Variants in ATP2C2 observed in about 807,000 individuals in gnomAD.
ATP2C2 encodes calcium-transporting ATPase type 2C member 2.
A neutral mutation model predicts 110.8 loss-of-function variants in ATP2C2; 171 were observed. The ratio of observed to expected loss-of-function variants is 1.54; its 90% CI spans 1.36 to 1.75. ATP2C2 has a LOEUF of 1.75. ATP2C2 is among the 40% of genes most tolerant of loss of function. The pLI is 0.00. For synonymous variants in ATP2C2, 804 were observed against 508.4 expected (o/e 1.58, Z -7.82); for missense variants, 1,963 against 1,235.0 (o/e 1.59, Z -8.84).
Position 84,405,153 on chromosome 16 carries a change from A to T in ATP2C2, c.236A>T (p.Glu79Val), listed in dbSNP as rs201569578. ...FCVDLHTGLSEFSVTQRRLAH... is the reference protein window; with the variant it reads ...FCVDLHTGLSVFSVTQRRLAH... ...GTGGACTTACACACTGGGCTGTCGG[A>T]GTTCTCGGTGACGCAGCGCCGGCTG... Residue 79 changes from glutamate to valine, a missense_variant, in exon 3 of 27, where the codon GAG (glutamate) becomes GTG (valine). Coordinates refer to ENST00000262429, the MANE Select transcript of ATP2C2 (RefSeq NM_014861.4). 1,671 of 1,613,816 alleles carry T rather than the reference A, an allele frequency of 1.0e-3. 4 individuals carry two copies. The highest frequency in any genetic ancestry group is 1.3e-3 in the Non-Finnish European group (1,575 of 1,179,962).
intron 23 of ATP2C2, chr16:84,459,668 A>G: frequency 3.8e-6 from 5 of 1,313,312 alleles, no homozygotes; most frequent in Non-Finnish European, 5.2e-6. Flanking sequence ...CTCATGCTTC[A>G]TTCCAGTCAC....
At chr16:84,458,555 A>T (rs1221209605) in intron 21 of ATP2C2, among the ~76,000 whole-genome samples, 1 of 152,246 alleles carries the variant, frequency 6.6e-6, no homozygotes, top group Non-Finnish European at 1.5e-5. Context: ...GTTCTTTTCA[A>T]AATATTTTAG....
At chr16:84,381,901 C>T (rs1309329458) in intron 1 of ATP2C2, among the ~76,000 whole-genome samples, 1 of 152,200 alleles carries the variant, frequency 6.6e-6, no homozygotes, top group Non-Finnish European at 1.5e-5. Flanking sequence ...GGTCACACAG[C>T]TCTTCATGGA....
intron 1 of ATP2C2, among the ~76,000 whole-genome samples, chr16:84,373,307 C>A (rs1597723561): frequency 6.6e-6 from 1 of 152,280 alleles, no homozygotes; most frequent in East Asian, 1.9e-4. Context: ...CGAGACCAGC[C>A]TGGCCAACAT....
chr16:84,405,301 C>A, intron 3 of ATP2C2, 57 bp downstream of exon 3: 1 of 1,430,380 alleles, frequency 7.0e-7, no homozygotes, highest in Non-Finnish European at 9.7e-7. Context: ...GAGGGTGGGG[C>A]AGCCATTCCA....
Position 84,383,313 on chromosome 16 carries a change from C to G in ATP2C2, c.99+14599C>G, listed in dbSNP as rs187744504. Among the ~76,000 whole-genome samples the G allele has an allele frequency of 2.9e-3, 439 of 152,298 alleles. 2 individuals are homozygous for G. The highest frequency in any genetic ancestry group is 4.7e-3 in the Non-Finnish European group (319 of 68,032). On this transcript the variant is annotated intron_variant, in intron 1 of 26. Coordinates refer to ENST00000262429, the MANE Select transcript of ATP2C2 (RefSeq NM_014861.4). ...CTCACTCCACACTCACCTGCCGTGACCTTGGGCAAAGCTCTCAAATCCAGG... is the reference window on the plus strand; with the variant it reads ...CTCACTCCACACTCACCTGCCGTGAGCTTGGGCAAAGCTCTCAAATCCAGG...
rs369498768 is a variant in ATP2C2 at position 84,415,617 on chromosome 16, T to C, written c.624+26T>C. The C allele has an allele frequency of 1.8e-4, 280 of 1,574,568 alleles. 2 individuals are homozygous for C. The Middle Eastern group carries it at 2.2e-3, about 12-fold the overall frequency. ...GTGAGTGGTTCCAAACCCTTGTCAA[T>C]GGGGTATTTGATGGAGCTGGTCAAG... On this transcript the variant is annotated intron_variant, in intron 7 of 26. Transcript: ENST00000262429.
At chr16:84,455,051 C>T (rs1597874503) in intron 21 of ATP2C2, 67 bp downstream of exon 21, 5 of 1,525,696 alleles carry the variant, frequency 3.3e-6, no homozygotes, top group East Asian at 2.5e-5. Flanking sequence ...CTCCCTGGAA[C>T]CTGCTACTGT....
Position 84,461,799 on chromosome 16 carries a change from C to T in ATP2C2, c.2567C>T (p.Thr856Ile), listed in dbSNP as rs943106482. The T allele has an allele frequency of 2.5e-6, 4 of 1,614,120 alleles. No individual in the cohort carries two copies. Among genetic ancestry groups the T allele is most frequent in the Middle Eastern group, 1.6e-4 (1 of 6,062 alleles). Residue 856 changes from threonine to isoleucine, a missense_variant, in exon 25 of 27, where the codon ACC becomes ATC. By Grantham distance (89) the Thr-to-Ile change is moderately conservative. Coordinates refer to ENST00000262429, the MANE Select transcript of ATP2C2 (RefSeq NM_014861.4). ...FVFFDLFNAL[T>I]CRSQTKLIFE... ...TTTTTCGATCTCTTCAACGCCTTGA[C>T]CTGCCGCTCTCAGGTGAGACCCGGG... is the stretch of plus-strand genomic sequence containing the variant.
intron 1 of ATP2C2, among the ~76,000 whole-genome samples, chr16:84,384,817 A>C (rs1904299200): frequency 6.6e-6 from 1 of 152,222 alleles, no homozygotes; most frequent in Non-Finnish European, 1.5e-5. Context: ...TGGAAGGCCA[A>C]GGTGGGTGGA....
chr16:84,383,144 C>T (rs1910682150), intron 1 of ATP2C2, among the ~76,000 whole-genome samples: 1 of 152,182 alleles, frequency 6.6e-6, no homozygotes, highest in African/African-American at 2.4e-5. Flanking sequence ...CAGTGGCCTA[C>T]TGCTTTCTGC....
intron 6 of ATP2C2, among the ~76,000 whole-genome samples, chr16:84,411,604 G>C (rs1308289425): frequency 3.3e-5 from 5 of 152,096 alleles, no homozygotes; most frequent in African/African-American, 1.2e-4. Flanking sequence ...ACTACACCTG[G>C]CTAATTTTTA....
intron 1 of ATP2C2, among the ~76,000 whole-genome samples, chr16:84,394,779 C>T (rs559481860): frequency 1.3e-5 from 2 of 152,288 alleles, no homozygotes; most frequent in African/African-American, 4.8e-5. Flanking sequence ...TGTGTCTCCA[C>T]ATGGACTTCC....
At position 84,393,409 on chromosome 16, in the gene ATP2C2, G is replaced by A. The variant is rs1374432035; in HGVS notation, c.100-5090G>A. Among the ~76,000 whole-genome samples, 10 of 152,192 alleles carry A rather than the reference G, an allele frequency of 6.6e-5. No homozygotes were observed. The East Asian group carries it at 1.9e-3, about 29-fold the overall frequency. On this transcript the variant is annotated intron_variant, in intron 1 of 26. Coordinates refer to ENST00000262429, the MANE Select transcript of ATP2C2 (RefSeq NM_014861.4). Reference sequence around the variant, plus strand: ...AGGGACTCTGTTTCCTGACTGTCACGAGACTGGACTGAGGCAGAGCAAGCC... The same window carrying A: ...AGGGACTCTGTTTCCTGACTGTCACAAGACTGGACTGAGGCAGAGCAAGCC...
chr16:84,455,065 G>C, intron 21 of ATP2C2, 81 bp downstream of exon 21: 3 of 1,245,832 alleles, frequency 2.4e-6, no homozygotes, highest in Non-Finnish European at 3.3e-6. Flanking sequence ...CTACTGTGGA[G>C]ATAGAGGGGG....
chr16:84,431,595 T>C (rs12149038), intron 11 of ATP2C2, among the ~76,000 whole-genome samples: 43,514 of 150,262 alleles, frequency 0.29, 6,425 homozygotes, highest in African/African-American at 0.31. Context: ...GCAGGAAGGG[T>C]GTTCAGGCAG....
intron 24 of ATP2C2, chr16:84,461,371 C>T (rs1429959708): frequency 4.7e-6 from 2 of 424,798 alleles, no homozygotes; most frequent in African/African-American, 2.0e-5. Flanking sequence ...CTACTGACGG[C>T]CATCCTTCAG....
chr16:84,398,496 C>G lies in ATP2C2; in HGVS notation c.100-3C>G, dbSNP rs770301536. The G allele has an allele frequency of 6.3e-7, 1 of 1,595,472 alleles. No individual in the cohort carries two copies. Among genetic ancestry groups the G allele is most frequent in the Non-Finnish European group, 8.5e-7 (1 of 1,171,912 alleles). On this transcript the variant is annotated splice_polypyrimidine_tract_variant and splice_region_variant and intron_variant, in intron 1 of 26. Coordinates refer to ENST00000262429, the MANE Select transcript of ATP2C2 (RefSeq NM_014861.4). ...CTAAACAGCAACCCTGCTCTTTTCA[C>G]AGATTGATGAACAGAGTGAGCTGAA...
At chr16:84,420,946 C>T (rs2326269) in intron 7 of ATP2C2, among the ~76,000 whole-genome samples, 33,531 of 152,022 alleles carry the variant, frequency 0.22, 4,433 homozygotes, top group African/African-American at 0.37. Flanking sequence ...GCTGGGATTA[C>T]AGGCGCCTGC....
Sources: allele counts gnomAD v4.1 joint callset (sites outside exome capture counted in the v4.1 genomes callset), GRCh38; gene constraint gnomAD v4.1.1; transcripts MANE v1.5; gene names NCBI Gene and HGNC (gene_info 2026-07-23, HGNC 2026-07-21).